Variants in PARK7 observed in about 807,000 individuals in gnomAD.
The protein encoded by PARK7 is Parkinsonism associated deglycase.
A neutral mutation model predicts 20.5 loss-of-function variants in PARK7; 14 were observed. The observed-to-expected ratio is 0.68, with a 90% CI of 0.45 to 1.07. The LOEUF (loss-of-function observed/expected upper bound fraction) is 1.07. PARK7 is among the 50% of genes least tolerant of loss of function. The pLI, the probability that PARK7 is intolerant of heterozygous loss-of-function variation, is 0.00. For synonymous variants in PARK7, 98 were observed against 84.3 expected, an observed-to-expected ratio of 1.16 and a Z score of -0.89; for missense variants, 234 against 238.1, an observed-to-expected ratio of 0.98 and a Z score of 0.11.
At position 7,985,132 on chromosome 1, in the gene PARK7, A is replaced by C. The variant is rs1640794029; in HGVS notation, c.*78A>C. ...TCACTGTGTTCGCTCTAAACAAAAC[A>C]GTGGTAGGTTAATGTGTTCAGAAGT... is the stretch of plus-strand genomic sequence containing the variant. On this transcript the variant is annotated 3_prime_UTR_variant, in exon 7 of 7. Coordinates refer to ENST00000338639, the MANE Select transcript of PARK7 (RefSeq NM_007262.5). 1 of 1,554,518 alleles carries C rather than the reference A, an allele frequency of 6.4e-7. No individual in the cohort carries two copies. The highest frequency in any genetic ancestry group is 2.4e-5 in the East Asian group (1 of 42,486).
chr1:7,982,306 A>G (rs975980987), intron 6 of PARK7, among the ~76,000 whole-genome samples: 2 of 151,934 alleles, frequency 1.3e-5, no homozygotes, highest in Non-Finnish European at 2.9e-5. Flanking sequence ...TTTTTCTCTG[A>G]AGAGACTTTA....
chr1:7,975,961 A>G (rs1405127490), intron 5 of PARK7, among the ~76,000 whole-genome samples: 1 of 152,230 alleles, frequency 6.6e-6, no homozygotes, highest in Non-Finnish European at 1.5e-5. Flanking sequence ...GAGAAGAGAC[A>G]TTTGAGGCTT....
intron 5 of PARK7, among the ~76,000 whole-genome samples, chr1:7,975,520 A>G (rs1005717794): frequency 4.6e-5 from 7 of 152,208 alleles, no homozygotes; most frequent in Non-Finnish European, 1.0e-4. Flanking sequence ...CAGAGTACAG[A>G]GCGTTTTCAT....
Position 7,969,334 on chromosome 1 carries a change from A to G in PARK7, c.193-11A>G. 6.2e-7 allele frequency: 1 copy of G among 1,607,416 alleles called. No homozygotes were observed. The highest frequency in any genetic ancestry group is 8.5e-7 in the Non-Finnish European group (1 of 1,176,172). On this transcript the variant is annotated splice_polypyrimidine_tract_variant and intron_variant, in intron 3 of 6. Coordinates refer to ENST00000338639, the MANE Select transcript of PARK7 (RefSeq NM_007262.5). ...ATGTTTTTGTTTTCTTTATGTTTTA[A>G]ACTGTTACAGGGACCATATGATGTG...
intron 5 of PARK7, 30 bp downstream of exon 5, chr1:7,970,993 C>G (rs150997697): frequency 6.2e-7 from 1 of 1,611,746 alleles, no homozygotes. Flanking sequence ...TGTGTTGCAG[C>G]GTCATTGGTG....
chr1:7,984,842 TTCTC>T lies in PARK7; in HGVS notation c.410-51_410-48del, dbSNP rs527810593. 4.4e-6 allele frequency: 7 copies of T among 1,603,278 alleles called. No individual in the cohort carries two copies. In the South Asian group the frequency reaches 7.7e-5, roughly 18 times the overall value. On this transcript the variant is annotated intron_variant, in intron 6 of 6. Coordinates refer to ENST00000338639, the MANE Select transcript of PARK7 (RefSeq NM_007262.5). This position sits in a 1 kb window ranked among gnomAD's most constrained non-coding sequence, Gnocchi z 4.3. Reference sequence around the variant, plus strand: ...GAATTTAATTGGTAAGTAATCGTCTTTCTCGTCACATAGCCCATTAGGATGTCAC... The same window carrying T: ...GAATTTAATTGGTAAGTAATCGTCTTGTCACATAGCCCATTAGGATGTCAC...
intron 5 of PARK7, among the ~76,000 whole-genome samples, chr1:7,975,682 A>G (rs1264453516): frequency 1.3e-5 from 2 of 152,204 alleles, no homozygotes; most frequent in Non-Finnish European, 2.9e-5. Flanking sequence ...ACATAAATTT[A>G]TTCACATCGT....
chr1:7,974,990 G>T (rs549507752), intron 5 of PARK7, among the ~76,000 whole-genome samples: 14 of 151,850 alleles, frequency 9.2e-5, no homozygotes, highest in African/African-American at 3.1e-4. Flanking sequence ...CGAGTAGCTA[G>T]AATTACAGGC....
At chr1:7,975,316 A>G (rs1557447977) in intron 5 of PARK7, among the ~76,000 whole-genome samples, 1 of 152,028 alleles carries the variant, frequency 6.6e-6, no homozygotes, top group Admixed American at 6.6e-5. Flanking sequence ...GAGGGGGAGG[A>G]AGTGTGGAGT....
intron 1 of PARK7, 79 bp from the exon 2 acceptor site, chr1:7,962,684 C>T: frequency 1.1e-6 from 1 of 870,078 alleles, no homozygotes; most frequent in South Asian, 1.5e-5. Flanking sequence ...CTTGAAAATG[C>T]TCCTAAACTT....
intron 6 of PARK7, among the ~76,000 whole-genome samples, chr1:7,982,221 A>G (rs1423336820): frequency 6.6e-6 from 1 of 150,640 alleles, no homozygotes; most frequent in Non-Finnish European, 1.5e-5. Flanking sequence ...TCCTGACCTC[A>G]GGTGATCCAC....
Position 7,977,638 on chromosome 1 carries a change from AT to A in PARK7, c.323-9del. Reference sequence around the variant, plus strand: ...TCTATATCTGCACTTAGATCTTTTTATTTTTATTCTTAGGTCCTACTGCTCT... The same window carrying A: ...TCTATATCTGCACTTAGATCTTTTTATTTTATTCTTAGGTCCTACTGCTCT... On this transcript the variant is annotated splice_polypyrimidine_tract_variant and intron_variant, in intron 5 of 6. Transcript: ENST00000338639. The A allele has an allele frequency of 6.2e-7, 1 of 1,609,936 alleles. No homozygotes were observed.
intron 6 of PARK7, 81 bp downstream of exon 6, chr1:7,977,819 G>A (rs1640618167): frequency 2.4e-6 from 3 of 1,247,364 alleles, no homozygotes; most frequent in Admixed American, 1.8e-5. Flanking sequence ...GAGTGCAGTG[G>A]CGTGATCTTG....
chr1:7,974,094 G>C (rs1294999871), intron 5 of PARK7, among the ~76,000 whole-genome samples: 1 of 148,738 alleles, frequency 6.7e-6, no homozygotes, highest in Non-Finnish European at 1.5e-5. Flanking sequence ...AGGATCACTT[G>C]AACCCAGGAG....
At chr1:7,983,954 G>A (rs1054631538) in intron 6 of PARK7, among the ~76,000 whole-genome samples, 4 of 152,180 alleles carry the variant, frequency 2.6e-5, no homozygotes. Flanking sequence ...TTCATAGATT[G>A]TGATAGATTG....
At chr1:7,977,852 C>G in intron 6 of PARK7, 114 bp downstream of exon 6, 1 of 835,164 alleles carries the variant, frequency 1.2e-6, no homozygotes, top group South Asian at 1.4e-5. Context: ...CCCTGCCTCC[C>G]GGGTTCAAGC....
At chr1:7,970,342 A>G (rs932046140) in intron 4 of PARK7, among the ~76,000 whole-genome samples, 7 of 152,174 alleles carry the variant, frequency 4.6e-5, no homozygotes, top group South Asian at 4.1e-4. Flanking sequence ...GAGAAGGGCA[A>G]ATTGTCTACT....
At chr1:7,962,920 T>C in intron 2 of PARK7, 45 bp downstream of exon 2, 1 of 1,488,552 alleles carries the variant, frequency 6.7e-7, no homozygotes, top group Non-Finnish European at 9.4e-7. Flanking sequence ...TTAAATGTTT[T>C]TGGATTTTTA....
intron 3 of PARK7, among the ~76,000 whole-genome samples, chr1:7,966,562 G>A (rs1445310268): frequency 6.6e-6 from 1 of 151,864 alleles, no homozygotes; most frequent in African/African-American, 2.4e-5. Context: ...GCCAGGTGTG[G>A]TGGTGCATGC....
Sources: gnomAD v4.1 joint callset for allele counts (sites outside exome capture counted in the v4.1 genomes callset) on GRCh38, gnomAD v4.1.1 for gene constraint, Gnocchi (gnomAD v3.1) non-coding constraint, MANE v1.5 for transcripts, NCBI Gene and HGNC (gene_info 2026-07-23, HGNC 2026-07-21) for gene names.